Variants in SEC23A observed in about 807,000 individuals in gnomAD.
The protein encoded by SEC23A is protein transport protein Sec23A.
Under a neutral mutation model 103.7 loss-of-function variants are expected in SEC23A, and 56 were observed. The ratio of observed to expected loss-of-function variants is 0.54; its 90% CI spans 0.44 to 0.67. The LOEUF (loss-of-function observed/expected upper bound fraction) is 0.67. SEC23A is among the 30% of genes least tolerant of loss of function. SEC23A has a pLI of 0.00. For missense variants in SEC23A, 784 were observed against 936.4 expected, an observed-to-expected ratio of 0.84 and a Z score of 2.12; for synonymous variants, 281 against 293.0, an observed-to-expected ratio of 0.96 and a Z score of 0.42.
At chr14:39,073,502 C>A (rs370319013) in intron 9 of SEC23A, among the ~76,000 whole-genome samples, 1 of 151,490 alleles carries the variant, frequency 6.6e-6, no homozygotes, top group East Asian at 1.9e-4. Context: ...CCATGTTGGC[C>A]AGGCTGGTCT....
At chr14:39,097,784 T>C (rs1362139676) in intron 1 of SEC23A, among the ~76,000 whole-genome samples, 1 of 152,116 alleles carries the variant, frequency 6.6e-6, no homozygotes, top group East Asian at 1.9e-4. Context: ...ACTAAACTTG[T>C]TTAGAAAAGA....
At chr14:39,059,279 A>T (rs1197167553) in intron 13 of SEC23A, among the ~76,000 whole-genome samples, 1 of 38,766 alleles carries the variant, frequency 2.6e-5, no homozygotes, top group Non-Finnish European at 4.7e-5. Context: ...GTCCTAGTTT[A>T]AAAAAAAAAA....
intron 5 of SEC23A, 24 bp from the exon 6 acceptor site, chr14:39,087,032 T>A (rs1402502758): frequency 7.9e-7 from 1 of 1,261,680 alleles, no homozygotes; most frequent in Non-Finnish European, 1.2e-6. Flanking sequence ...ACTTGTGCAA[T>A]ATTCATTTAA....
intron 9 of SEC23A, among the ~76,000 whole-genome samples, chr14:39,070,512 A>G (rs1409603247): frequency 1.3e-5 from 2 of 152,220 alleles, no homozygotes; most frequent in African/African-American, 4.8e-5. Context: ...AAAGGATTAT[A>G]CGCCATGACC....
Position 39,033,198 on chromosome 14 carries a change from A to G in SEC23A, c.*41T>C, listed in dbSNP as rs780723443. On this transcript the variant is annotated 3_prime_UTR_variant, in exon 20 of 20. Coordinates refer to ENST00000307712, the MANE Select transcript of SEC23A (RefSeq NM_006364.4). ...AAAAAGGAAAAAATGAAATTTGAAT[A>G]TTATTTCATCTTCTTAAGTGTCTTT... 5 of 1,395,072 alleles carry G rather than the reference A, an allele frequency of 3.6e-6. No individual in the cohort carries two copies. The East Asian group carries it at 1.1e-4, about 32-fold the overall frequency. 86.4% of individuals were successfully genotyped at this position (1,395,072 alleles called of 1,614,324 possible). A position where few individuals can be genotyped will look rare whatever the true frequency, so the allele number is the denominator to read the frequency against.
chr14:39,091,068 T>C (rs1054493775), intron 5 of SEC23A: 3 of 416,522 alleles, frequency 7.2e-6, no homozygotes, highest in Admixed American at 3.1e-5. Context: ...CTGAGGAGTA[T>C]GATGATGACA....
In SEC23A at chr14:39,091,568, C is replaced by A. The variant is rs761826984; in HGVS notation, c.512G>T (p.Arg171Ile). 1 of 1,614,014 alleles carries A rather than the reference C, an allele frequency of 6.2e-7. No individual in the cohort carries two copies. The highest frequency in any genetic ancestry group is 8.5e-7 in the Non-Finnish European group (1 of 1,179,992). The change falls in exon 5 of 20, where the codon AGA (arginine) becomes ATA (isoleucine). Residue 171 changes from arginine to isoleucine, a missense_variant. This residue lies in a region of SEC23A where 683 missense variants were observed against 774.2 expected (regional missense o/e 0.88). Transcript: ENST00000307712. ...TCCAAGTTCATGAACCTGAACCATTCTCCCAAAAGTAATAAGTCCAACCAA... is the reference window on the plus strand; with the variant it reads ...TCCAAGTTCATGAACCTGAACCATTATCCCAAAAGTAATAAGTCCAACCAA... ...TALVGLITFG[R>I]MVQVHELGCE...
intron 15 of SEC23A, among the ~76,000 whole-genome samples, chr14:39,046,048 T>C (rs748387715): frequency 2.0e-5 from 3 of 152,132 alleles, no homozygotes; most frequent in Admixed American, 6.5e-5. Context: ...GGAGATCTGA[T>C]GGTTTTATAA....
intron 12 of SEC23A, among the ~76,000 whole-genome samples, chr14:39,062,286 T>C (rs749082288): frequency 6.6e-6 from 1 of 152,166 alleles, no homozygotes; most frequent in Non-Finnish European, 1.5e-5. Flanking sequence ...AACTCAGGAA[T>C]ATTTGCCTTA....
At chr14:39,057,800 ATAAAGG>A (rs1886299420) in intron 13 of SEC23A, among the ~76,000 whole-genome samples, 1 of 152,258 alleles carries the variant, frequency 6.6e-6, no homozygotes. Flanking sequence ...AAATACAAAA[ATAAAGG>A]TTTTCTCTCA....
At chr14:39,047,501 C>A in intron 15 of SEC23A, 8 of 732,926 alleles carry the variant, frequency 1.1e-5, no homozygotes, top group South Asian at 3.5e-5. Context: ...AAAACAAAAA[C>A]AACAACAACA....
chr14:39,067,145 A>G, intron 10 of SEC23A, 28 bp downstream of exon 10: 1 of 1,613,298 alleles, frequency 6.2e-7, no homozygotes, highest in Non-Finnish European at 8.5e-7. Context: ...TTGATAACAT[A>G]TCGCACATGT....
At chr14:39,096,315 G>C (rs541570911) in intron 1 of SEC23A, among the ~76,000 whole-genome samples, 176 bp from the exon 2 acceptor site, 1 of 152,254 alleles carries the variant, frequency 6.6e-6, no homozygotes, top group African/African-American at 2.4e-5. Context: ...CGGATCACCT[G>C]AGGTCGGGAG....
At chr14:39,097,045 G>C (rs1178253637) in intron 1 of SEC23A, among the ~76,000 whole-genome samples, 1 of 152,134 alleles carries the variant, frequency 6.6e-6, no homozygotes, top group Non-Finnish European at 1.5e-5. Flanking sequence ...AGACTCTTTT[G>C]CAGAAACTTA....
At chr14:39,049,919 C>A (rs1362589318) in intron 14 of SEC23A, among the ~76,000 whole-genome samples, 1 of 151,944 alleles carries the variant, frequency 6.6e-6, no homozygotes, top group Non-Finnish European at 1.5e-5. Flanking sequence ...CAGGCATCCG[C>A]CGCCACGCCC....
At chr14:39,073,041 C>T (rs190670758) in intron 9 of SEC23A, among the ~76,000 whole-genome samples, 30 of 152,118 alleles carry the variant, frequency 2.0e-4, no homozygotes, top group Non-Finnish European at 4.0e-4. Context: ...AACTTGAACA[C>T]GATGTTCAAA....
chr14:39,061,675 A>G, intron 13 of SEC23A, 90 bp downstream of exon 13: 1 of 848,982 alleles, frequency 1.2e-6, no homozygotes, highest in South Asian at 1.3e-5. Context: ...CTTGCTAGTC[A>G]TGGATGTCAC....
intron 13 of SEC23A, among the ~76,000 whole-genome samples, chr14:39,056,024 T>C (rs796951185): frequency 2.0e-5 from 3 of 152,390 alleles, no homozygotes; most frequent in African/African-American, 7.2e-5. Context: ...AACAGCCATC[T>C]GGGCCACATA....
rs1199514599 is a variant in SEC23A, at chr14:39,098,279, G to A, written c.-21-2140C>T. On this transcript the variant is annotated intron_variant, in intron 1 of 19. Transcript: ENST00000307712. ...TAAAGAAAAAACAACCAGGACGTGG[G>A]GGTGAGGGGGAGATTAGAAATCCAG... is the stretch of plus-strand genomic sequence containing the variant. Among the ~76,000 whole-genome samples the A allele has an allele frequency of 2.6e-5, 4 of 151,982 alleles. No homozygotes were observed. The South Asian group carries it at 6.2e-4, about 24-fold the overall frequency.
Sources: allele counts gnomAD v4.1 joint callset (sites outside exome capture counted in the v4.1 genomes callset), GRCh38; gene constraint gnomAD v4.1.1; regional missense constraint gnomAD v4.1.1; transcripts MANE v1.5; gene names NCBI Gene and HGNC (gene_info 2026-07-23, HGNC 2026-07-21).